IPO11: variants seen among roughly 807,000 people sequenced by gnomAD.
The protein encoded by IPO11 is importin-11.
In IPO11, 66 loss-of-function variants were observed where a neutral mutation model predicts 143.2. The observed-to-expected ratio is 0.46, with a 90% CI of 0.38 to 0.57. IPO11 has a LOEUF of 0.57. Among genes scored for constraint, IPO11 ranks in the 20% least tolerant of loss-of-function variants. The probability of loss-of-function intolerance (pLI) is 0.00; values close to 1 mark genes in which losing one functional copy is unlikely to be tolerated. For missense variants in IPO11, 1,026 were observed against 1,141.0 expected (o/e 0.90, Z 1.45); for synonymous variants, 385 against 377.8 (o/e 1.02, Z -0.22).
intron 16 of IPO11, among the ~76,000 whole-genome samples, chr5:62,495,204 A>G (rs1172535746): frequency 2.6e-5 from 4 of 152,232 alleles, no homozygotes; most frequent in East Asian, 3.8e-4. Flanking sequence ...GGAAGTTACA[A>G]GAGAGCCTTG....
chr5:62,528,080 G>A (rs906185033), intron 21 of IPO11, among the ~76,000 whole-genome samples: 3 of 152,204 alleles, frequency 2.0e-5, no homozygotes, highest in African/African-American at 7.2e-5. Flanking sequence ...GATTGCCTAA[G>A]AAGAGAAGGA....
chr5:62,586,765 AAAAATAT>A (rs1434300917), intron 27 of IPO11, among the ~76,000 whole-genome samples: 6 of 90,006 alleles, frequency 6.7e-5, no homozygotes, highest in South Asian at 4.1e-4. Context: ...AAAAAAAAAA[AAAAATAT>A]ATATATATAT....
At chr5:62,480,012 C>G (rs1301287962) in intron 9 of IPO11, among the ~76,000 whole-genome samples, 1 of 152,286 alleles carries the variant, frequency 6.6e-6, no homozygotes, top group East Asian at 1.9e-4. Flanking sequence ...GAAGTCTTTG[C>G]CCATACCTAT....
intron 3 of IPO11, 79 bp downstream of exon 3, chr5:62,443,162 A>G: frequency 2.2e-6 from 2 of 890,636 alleles, no homozygotes; most frequent in East Asian, 2.7e-5. Flanking sequence ...TTGTTTATGT[A>G]AAAGGATGTG....
chr5:62,458,152 A>G (rs1745231113), intron 5 of IPO11, among the ~76,000 whole-genome samples: 1 of 151,768 alleles, frequency 6.6e-6, no homozygotes, highest in South Asian at 2.1e-4. Flanking sequence ...GTCTCAAAAA[A>G]AAAAAAAAAA....
At chr5:62,524,327 T>TG (rs1035301967) in intron 20 of IPO11, among the ~76,000 whole-genome samples, 52 of 152,208 alleles carry the variant, frequency 3.4e-4, no homozygotes, top group African/African-American at 1.2e-3. Context: ...GAAGGATACG[T>TG]GGGATTTCTC....
intron 2 of IPO11, among the ~76,000 whole-genome samples, chr5:62,437,639 G>A (rs1744289444): frequency 6.6e-6 from 1 of 152,174 alleles, no homozygotes; most frequent in Admixed American, 6.6e-5. Context: ...CATCTGCTCA[G>A]AAGGCAAAAC....
intron 19 of IPO11, among the ~76,000 whole-genome samples, chr5:62,508,826 A>G (rs1306488121): frequency 2.0e-5 from 3 of 151,566 alleles, no homozygotes; most frequent in African/African-American, 7.3e-5. Context: ...TCATTGTTCA[A>G]CTCCCACCTA....
chr5:62,526,019 C>T, intron 20 of IPO11, 123 bp from the exon 21 acceptor site: 1 of 661,928 alleles, frequency 1.5e-6, no homozygotes, highest in Non-Finnish European at 2.7e-6. Context: ...TAATTAGGAC[C>T]TTCCTAAAAA....
At chr5:62,487,607 G>A (rs905403756) in intron 12 of IPO11, among the ~76,000 whole-genome samples, 164 bp from the exon 13 acceptor site, 2 of 144,262 alleles carry the variant, frequency 1.4e-5, no homozygotes, top group African/African-American at 5.3e-5. Flanking sequence ...CCTTTGTGTT[G>A]GTTATAAAAA....
chr5:62,578,438 G>T (rs552634095), intron 27 of IPO11, among the ~76,000 whole-genome samples: 1 of 151,880 alleles, frequency 6.6e-6, no homozygotes, highest in Non-Finnish European at 1.5e-5. Context: ...ACAAAAAATT[G>T]TATTACTCGA....
At chr5:62,507,507 T>C (rs1158249872) in intron 19 of IPO11, among the ~76,000 whole-genome samples, 2 of 152,222 alleles carry the variant, frequency 1.3e-5, no homozygotes, top group East Asian at 3.9e-4. Flanking sequence ...GTCTTTAACC[T>C]TGTGTCCTCA....
chr5:62,449,911 T>C lies in IPO11; in HGVS notation c.240-16T>C, dbSNP rs767147592. 6 of 52,002 alleles carry C rather than the reference T, an allele frequency of 1.2e-4. No individual in the cohort carries two copies. The South Asian group carries it at 3.5e-3, about 30-fold the overall frequency. 3.2% of individuals were successfully genotyped at this position (52,002 alleles called of 1,614,324 possible). A position where few individuals can be genotyped will look rare whatever the true frequency, so the allele number is the denominator to read the frequency against. The stretch of plus-strand genomic sequence containing the variant: ...TGGCATTCTTTTGCATAATCAATAC[T>C]TTTTTTTTTTTACAGTGCTCTCTCA... On this transcript the variant is annotated splice_polypyrimidine_tract_variant and intron_variant, in intron 3 of 29. Coordinates refer to ENST00000325324, the MANE Select transcript of IPO11 (RefSeq NM_016338.5).
intron 16 of IPO11, among the ~76,000 whole-genome samples, chr5:62,495,868 A>G (rs1389976621): frequency 6.6e-6 from 1 of 152,222 alleles, no homozygotes; most frequent in Non-Finnish European, 1.5e-5. Flanking sequence ...AAAACAGAAC[A>G]TTAATTCTAC....
At chr5:62,611,883 A>G (rs1745938601) in intron 29 of IPO11, among the ~76,000 whole-genome samples, 1 of 152,140 alleles carries the variant, frequency 6.6e-6, no homozygotes, top group Non-Finnish European at 1.5e-5. Context: ...GTCTTTTAAT[A>G]TAAGGGACTT....
chr5:62,508,166 C>T (rs1229026403), intron 19 of IPO11, among the ~76,000 whole-genome samples: 1 of 152,106 alleles, frequency 6.6e-6, no homozygotes, highest in South Asian at 2.1e-4. Flanking sequence ...TTGCTCTCCC[C>T]CCCGGGCTGG....
intron 1 of IPO11, chr5:62,418,859 T>A: frequency 1.3e-6 from 1 of 780,926 alleles, no homozygotes; most frequent in Non-Finnish European, 2.0e-6. Context: ...TATTCTTATA[T>A]GCCTGTGCAG....
At chr5:62,434,589 C>T (rs1044200314) in intron 1 of IPO11, among the ~76,000 whole-genome samples, 6 of 152,082 alleles carry the variant, frequency 3.9e-5, no homozygotes, top group Non-Finnish European at 8.8e-5. Context: ...GTGTGAGCCA[C>T]CACACCTGGC....
intron 1 of IPO11, among the ~76,000 whole-genome samples, chr5:62,415,937 C>T (rs913784179): frequency 7.9e-5 from 12 of 152,230 alleles, no homozygotes; most frequent in Non-Finnish European, 1.8e-4. Flanking sequence ...GGCAATATTT[C>T]CTTCATGTGT....
Sources: allele counts gnomAD v4.1 joint callset (sites outside exome capture counted in the v4.1 genomes callset), GRCh38; gene constraint gnomAD v4.1.1; transcripts MANE v1.5; gene names NCBI Gene and HGNC (gene_info 2026-07-23, HGNC 2026-07-21).